Variants in RANBP2 observed in about 807,000 individuals in gnomAD.
RANBP2 encodes the protein E3 SUMO-protein ligase RanBP2.
In RANBP2, 57 loss-of-function variants were observed where a neutral mutation model predicts 303.6. That is an observed-to-expected ratio of 0.19 (90% CI 0.15 to 0.23). The LOEUF is 0.23. RANBP2 is among the 10% of genes least tolerant of loss of function. The pLI is 1.00. For synonymous variants in RANBP2, 1,167 were observed against 1,301.5 expected (o/e 0.90, Z 2.23); for missense variants, 3,138 against 3,780.8 (o/e 0.83, Z 4.46).
chr2:109,192,530 G>C, the RANBP2 span, among the ~76,000 whole-genome samples: 5 of 152,118 alleles, frequency 3.3e-5, no homozygotes, highest in Non-Finnish European at 7.4e-5. Flanking sequence ...TAGAGATTTG[G>C]TAATTTCTAT....
the RANBP2 span, among the ~76,000 whole-genome samples, chr2:109,340,780 G>A: frequency 6.6e-6 from 1 of 152,158 alleles, no homozygotes; most frequent in Non-Finnish European, 1.5e-5. Context: ...TCTGCTTTAT[G>A]GGAAAACTAA....
the RANBP2 span, among the ~76,000 whole-genome samples, chr2:109,510,675 TTG>T: frequency 6.6e-6 from 1 of 152,120 alleles, no homozygotes; most frequent in East Asian, 1.9e-4. Flanking sequence ...AAACAGCCAC[TTG>T]TGTGTGCCAT....
At chr2:109,581,652 T>C in the RANBP2 span, among the ~76,000 whole-genome samples, 1 of 152,174 alleles carries the variant, frequency 6.6e-6, no homozygotes, top group African/African-American at 2.4e-5. Context: ...CAGAATCGTA[T>C]TTATATACTG....
the RANBP2 span, among the ~76,000 whole-genome samples, chr2:109,350,716 C>T: frequency 2.6e-5 from 4 of 152,256 alleles, no homozygotes; most frequent in Admixed American, 6.5e-5. Context: ...GCAGCTGAGA[C>T]GCACACACTG....
At chr2:109,128,320 A>G in the RANBP2 span, 1 of 152,162 alleles carries the variant, frequency 6.6e-6, no homozygotes, top group African/African-American at 2.4e-5. Flanking sequence ...CCTCCGTAGG[A>G]AAAAATTGGA....
At chr2:109,337,170 A>T in the RANBP2 span, among the ~76,000 whole-genome samples, 24,334 of 152,198 alleles carry the variant, frequency 0.16, 2,540 homozygotes, top group East Asian at 0.49. Context: ...ACTGGCTCAT[A>T]GGGTGATTTT....
the RANBP2 span, among the ~76,000 whole-genome samples, chr2:109,258,054 A>ATTTG: frequency 6.6e-6 from 1 of 151,866 alleles, no homozygotes; most frequent in African/African-American, 2.4e-5. Context: ...GCTGACCCTC[A>ATTTG]CAGCCCTGCC....
At chr2:109,478,525 C>T in the RANBP2 span, among the ~76,000 whole-genome samples, 1 of 152,148 alleles carries the variant, frequency 6.6e-6, no homozygotes, top group Non-Finnish European at 1.5e-5. Context: ...AGGTTCAGTC[C>T]TTGGCATTTT....
the RANBP2 span, among the ~76,000 whole-genome samples, chr2:109,405,805 C>T: frequency 6.6e-6 from 1 of 152,246 alleles, no homozygotes; most frequent in Non-Finnish European, 1.5e-5. Context: ...TGGCCATCCC[C>T]CCTTCCTCCC....
At chr2:109,567,098 TG>T in the RANBP2 span, among the ~76,000 whole-genome samples, 1 of 152,140 alleles carries the variant, frequency 6.6e-6, no homozygotes, top group Non-Finnish European at 1.5e-5. Flanking sequence ...AGAAATGGAA[TG>T]AACAATTATT....
chr2:108,908,028 A>T, the RANBP2 span: 1 of 1,605,708 alleles, frequency 6.2e-7, no homozygotes. Flanking sequence ...CGCTGCAAAA[A>T]CAAGAGCGAT....
chr2:109,636,714 G>T, the RANBP2 span, among the ~76,000 whole-genome samples: 1 of 152,112 alleles, frequency 6.6e-6, no homozygotes, highest in Non-Finnish European at 1.5e-5. Flanking sequence ...GAGGTGGGCG[G>T]ATCTCCAGAG....
At chr2:109,565,136 T>C in the RANBP2 span, among the ~76,000 whole-genome samples, 2 of 152,176 alleles carry the variant, frequency 1.3e-5, no homozygotes, top group Non-Finnish European at 2.9e-5. Flanking sequence ...AGTATAATTA[T>C]TACTTTTACA....
chr2:109,096,800 C>CTTT, the RANBP2 span, among the ~76,000 whole-genome samples: 1 of 142,612 alleles, frequency 7.0e-6, no homozygotes, highest in Non-Finnish European at 1.5e-5. Flanking sequence ...TTTGGAAACG[C>CTTT]TTTTTTTTTT....
chr2:109,079,109 A>T, the RANBP2 span, among the ~76,000 whole-genome samples: 101 of 152,246 alleles, frequency 6.6e-4, no homozygotes, highest in African/African-American at 2.3e-3. Flanking sequence ...ACAAGAGTCC[A>T]CTTATATGGG....
chr2:108,826,348 T>G, the RANBP2 span, among the ~76,000 whole-genome samples: 759 of 152,278 alleles, frequency 5.0e-3, 3 homozygotes, highest in South Asian at 0.021. Context: ...CCACAAAGAT[T>G]TATCTGTATG....
the RANBP2 span, chr2:108,929,416 G>A: frequency 1.9e-6 from 3 of 1,607,048 alleles, no homozygotes; most frequent in Non-Finnish European, 2.6e-6. Flanking sequence ...ACAGGTGAGT[G>A]CAGCAGCCAA....
the RANBP2 span, among the ~76,000 whole-genome samples, chr2:108,985,320 G>A: frequency 6.6e-6 from 1 of 152,272 alleles, no homozygotes; most frequent in East Asian, 1.9e-4. Flanking sequence ...CCTCATTGCT[G>A]ATTTCGTCCG....
chr2:109,298,551 A>G, the RANBP2 span, among the ~76,000 whole-genome samples: 29 of 151,930 alleles, frequency 1.9e-4, no homozygotes, highest in African/African-American at 2.4e-4. Flanking sequence ...ACTTTGGCCA[A>G]CTGTTGTCTG....
Sources: gnomAD v4.1 joint callset for allele counts (sites outside exome capture counted in the v4.1 genomes callset) on GRCh38, gnomAD v4.1.1 for gene constraint, MANE v1.5 for transcripts, NCBI Gene and HGNC (gene_info 2026-07-23, HGNC 2026-07-21) for gene names.